PRKAR2B: variants seen among roughly 807,000 people sequenced by gnomAD.
The protein encoded by PRKAR2B is cAMP-dependent protein kinase type II-beta regulatory subunit.
A neutral mutation model predicts 49.9 loss-of-function variants in PRKAR2B; 14 were observed. That is an observed-to-expected ratio of 0.28 (90% confidence interval 0.19 to 0.44). The LOEUF (loss-of-function observed/expected upper bound fraction) is 0.44. Among genes scored for constraint, PRKAR2B ranks in the 20% least tolerant of loss-of-function variants. The probability of loss-of-function intolerance (pLI) is 1.00; values close to 1 mark genes in which losing one functional copy is unlikely to be tolerated. For missense variants in PRKAR2B, 393 were observed against 537.9 expected (o/e 0.73, Z 2.67); for synonymous variants, 196 against 197.7 (o/e 0.99, Z 0.07).
intron 4 of PRKAR2B, among the ~76,000 whole-genome samples, chr7:107,131,225 G>A (rs1157770221): frequency 6.6e-6 from 1 of 152,206 alleles, no homozygotes; most frequent in Non-Finnish European, 1.5e-5. Context: ...AAATTCTGGT[G>A]TCTGTAGGGT....
intron 2 of PRKAR2B, among the ~76,000 whole-genome samples, chr7:107,095,488 C>A (rs111826836): frequency 6.6e-6 from 1 of 152,118 alleles, no homozygotes; most frequent in Admixed American, 6.6e-5. Flanking sequence ...ATTGAATACC[C>A]TTTATTTCTT....
intron 1 of PRKAR2B, among the ~76,000 whole-genome samples, chr7:107,057,025 C>T (rs1483364044): frequency 6.6e-6 from 1 of 152,188 alleles, no homozygotes; most frequent in Non-Finnish European, 1.5e-5. Flanking sequence ...GAACTCTGTG[C>T]TTAATCTAAA....
At chr7:107,088,757 G>A (rs1473738934) in intron 2 of PRKAR2B, among the ~76,000 whole-genome samples, 3 of 151,984 alleles carry the variant, frequency 2.0e-5, no homozygotes, top group African/African-American at 7.2e-5. Flanking sequence ...GTGTTACCAC[G>A]CCCGGCTAAT....
At position 107,059,939 on chromosome 7, in the gene PRKAR2B, G is replaced by A. The variant is rs77967660; in HGVS notation, c.308-10342G>A. Among the ~76,000 whole-genome samples the A allele has an allele frequency of 6.9e-3, 1,048 of 152,030 alleles. 9 individuals carry two copies. The highest frequency in any genetic ancestry group is 0.012 in the Non-Finnish European group (811 of 68,016). On this transcript the variant is annotated intron_variant, in intron 1 of 10. Transcript: ENST00000265717. ...GAGGGTATATGATGTATGATATTGC[G>A]ACAGATTGAATGCAGGAGCAAATAC...
intron 2 of PRKAR2B, among the ~76,000 whole-genome samples, chr7:107,085,400 ATG>A (rs1451041204): frequency 6.6e-6 from 1 of 152,198 alleles, no homozygotes; most frequent in Admixed American, 6.5e-5. Context: ...TTTTTCCAAA[ATG>A]TAATATTTAT....
chr7:107,157,388 A>C, intron 10 of PRKAR2B, 64 bp downstream of exon 10: 3 of 1,519,270 alleles, frequency 2.0e-6, no homozygotes, highest in Non-Finnish European at 2.7e-6. Flanking sequence ...TTATGTATTC[A>C]TGTTGAGTGA....
At chr7:107,055,742 A>AT (rs1273037141) in intron 1 of PRKAR2B, among the ~76,000 whole-genome samples, 1 of 151,962 alleles carries the variant, frequency 6.6e-6, no homozygotes, top group Non-Finnish European at 1.5e-5. Context: ...GATTGCAAAA[A>AT]TTTTCTCCCA....
chr7:107,056,012 C>T (rs1211092388), intron 1 of PRKAR2B, among the ~76,000 whole-genome samples: 1 of 152,186 alleles, frequency 6.6e-6, no homozygotes, highest in Non-Finnish European at 1.5e-5. Flanking sequence ...AGGAAGGGAT[C>T]CAGTTTCAGC....
In PRKAR2B at chr7:107,059,144, C is replaced by T. The variant is rs144536352; in HGVS notation, c.308-11137C>T. On this transcript the variant is annotated intron_variant, in intron 1 of 10. Coordinates refer to ENST00000265717, the MANE Select transcript of PRKAR2B (RefSeq NM_002736.3). Reference sequence around the variant, plus strand: ...CTCTACTAAAAATACAAAAATTAGCCGGATGTAATGGCACATGCCTGTAAT... The same window carrying T: ...CTCTACTAAAAATACAAAAATTAGCTGGATGTAATGGCACATGCCTGTAAT... 7.9e-5 allele frequency among the ~76,000 whole-genome samples: 12 copies of T among 152,104 alleles called. No homozygotes were observed. The East Asian group carries it at 1.2e-3, about 15-fold the overall frequency.
chr7:107,149,599 C>T (rs940892626), intron 6 of PRKAR2B, among the ~76,000 whole-genome samples: 4 of 152,050 alleles, frequency 2.6e-5, no homozygotes, highest in African/African-American at 9.7e-5. Context: ...AACCATCTTC[C>T]AAAGGCTCCA....
chr7:107,080,463 A>G (rs886689783), intron 2 of PRKAR2B, among the ~76,000 whole-genome samples: 1 of 152,186 alleles, frequency 6.6e-6, no homozygotes. Context: ...TACCATTGCC[A>G]GGGACTACAC....
intron 1 of PRKAR2B, among the ~76,000 whole-genome samples, chr7:107,047,351 CA>C (rs1214526516): frequency 6.6e-6 from 1 of 152,004 alleles, no homozygotes; most frequent in East Asian, 1.9e-4. Flanking sequence ...TTATAGGCTA[CA>C]AAGTGATTGG....
At position 107,161,260 on chromosome 7, in the gene PRKAR2B, A is replaced by G. The variant is rs779106229; in HGVS notation, c.*1678A>G. ...TATTTCAGATTTTATTTTAAAAGCC[A>G]TGTCTGTTAAACAAGAAAAAACACA... On this transcript the variant is annotated 3_prime_UTR_variant, in exon 11 of 11. Transcript: ENST00000265717. 3.9e-5 allele frequency: 6 copies of G among 152,292 alleles called. No individual in the cohort carries two copies. The highest frequency in any genetic ancestry group is 2.1e-4 in the South Asian group (1 of 4,830). 9.4% of individuals were successfully genotyped at this position (152,292 alleles called of 1,614,324 possible). A position where few individuals can be genotyped will look rare whatever the true frequency, so the allele number is the denominator to read the frequency against.
At chr7:107,061,386 T>C (rs563837500) in intron 1 of PRKAR2B, among the ~76,000 whole-genome samples, 31 of 152,222 alleles carry the variant, frequency 2.0e-4, no homozygotes, top group Non-Finnish European at 3.8e-4. Flanking sequence ...TCTCCCTTTA[T>C]TCAGTCTTCC....
chr7:107,128,220 T>A lies in PRKAR2B; in HGVS notation c.405T>A (p.His135Gln). 6.2e-7 allele frequency: 1 copy of A among 1,608,962 alleles called. No homozygotes were observed. Among genetic ancestry groups the A allele is most frequent in the Non-Finnish European group, 8.5e-7 (1 of 1,175,402 alleles). Residue 135 changes from histidine (H) to glutamine (Q), a missense_variant, in exon 4 of 11, where the codon CAT becomes CAA. By Grantham distance (24) the His-to-Gln change is conservative. Transcript: ENST00000265717. ...EEDDAESRII[H>Q]PKTDDQRNRL... ...ATCTGATGTCCTTTTAGATTATACATCCAAAAACTGATGATCAAAGAAATA... is the reference window on the plus strand; with the variant it reads ...ATCTGATGTCCTTTTAGATTATACAACCAAAAACTGATGATCAAAGAAATA...
At chr7:107,156,329 T>G (rs567980254) in intron 8 of PRKAR2B, among the ~76,000 whole-genome samples, 3 of 151,926 alleles carry the variant, frequency 2.0e-5, no homozygotes, top group Non-Finnish European at 4.4e-5. Context: ...TCCCAGCTAC[T>G]TGGGAGGGTG....
chr7:107,053,422 A>G (rs1793847460), intron 1 of PRKAR2B, among the ~76,000 whole-genome samples: 1 of 152,170 alleles, frequency 6.6e-6, no homozygotes, highest in Non-Finnish European at 1.5e-5. Context: ...CCCGTTTTGG[A>G]GACTACAGCT....
chr7:107,149,929 C>A (rs952201215), intron 6 of PRKAR2B, among the ~76,000 whole-genome samples: 3 of 152,018 alleles, frequency 2.0e-5, no homozygotes, highest in Admixed American at 1.3e-4. Context: ...GTGCATATTT[C>A]ATGTTGCATG....
Position 107,096,181 on chromosome 7 carries a change from G to T in PRKAR2B, c.344-25771G>T, listed in dbSNP as rs542507732. Among the ~76,000 whole-genome samples the T allele has an allele frequency of 4.6e-5, 7 of 152,210 alleles. No homozygotes were observed. The South Asian group carries it at 1.2e-3, about 27-fold the overall frequency. On this transcript the variant is annotated intron_variant, in intron 2 of 10. Transcript: ENST00000265717. ...TATTAATTGTTGCCTCAATTTCAGA[G>T]CCTGTTATTGGTCTATTTAGGGATT...
Sources: allele counts gnomAD v4.1 joint callset (sites outside exome capture counted in the v4.1 genomes callset), GRCh38; gene constraint gnomAD v4.1.1; transcripts MANE v1.5; gene names NCBI Gene and HGNC (gene_info 2026-07-23, HGNC 2026-07-21).